CIB3: variants seen among roughly 807,000 people sequenced by gnomAD.
CIB3 encodes calcium and integrin-binding family member 3.
CIB3 carries 22 observed loss-of-function variants against 23.4 expected under a neutral mutation model. The observed-to-expected ratio is 0.94, with a 90% CI of 0.67 to 1.34. CIB3 has a LOEUF of 1.34. Ranked by LOEUF, CIB3 falls within the 40% of genes most tolerant of loss-of-function variation. The pLI is 0.00. For synonymous variants in CIB3, 93 were observed against 95.8 expected, an observed-to-expected ratio of 0.97 and a Z score of 0.17; for missense variants, 258 against 247.3, an observed-to-expected ratio of 1.04 and a Z score of -0.29.
rs1473127430 is a variant in CIB3, at chr19:16,168,237, C to A, written c.246G>T (p.Gly82=). Residue 82 remains glycine, a synonymous_variant, in exon 4 of 6, where the codon GGG becomes GGT. Transcript: ENST00000269878. ...QRIAQVFSED[G]DGHMTLDNFL... ...AGTTGTCCAGGGTCATGTGGCCATC[C>A]CCATCCTCAGAGAATACCTGGGCAA... 1 of 1,613,752 alleles carries A rather than the reference C, an allele frequency of 6.2e-7. No individual in the cohort carries two copies. Among genetic ancestry groups the A allele is most frequent in the Non-Finnish European group, 8.5e-7 (1 of 1,179,898 alleles).
At chr19:16,168,064 G>A in intron 4 of CIB3, 73 bp downstream of exon 4, 1 of 1,511,368 alleles carries the variant, frequency 6.6e-7, no homozygotes, top group East Asian at 2.4e-5. Flanking sequence ...TATTTGTGAT[G>A]TGGGTGCCAC....
At chr19:16,164,602 C>G in intron 5 of CIB3, 116 bp downstream of exon 5, 1 of 1,017,518 alleles carries the variant, frequency 9.8e-7, no homozygotes. Flanking sequence ...GAGAAAGTTT[C>G]CCAAGGTCAT....
Position 16,168,335 on chromosome 19 carries a change from T to C in CIB3, c.199-51A>G, listed in dbSNP as rs759961835. ...GCCATCCTCTGACCCCCAAGGTCTC[T>C]GGGGTCCATGTGGTCTCACTATCAG... On this transcript the variant is annotated intron_variant, in intron 3 of 5. Transcript: ENST00000269878. 13 of 1,602,964 alleles carry C rather than the reference T, an allele frequency of 8.1e-6. No homozygotes were observed. The East Asian group carries it at 1.6e-4, about 19-fold the overall frequency.
Position 16,164,795 on chromosome 19 carries a change from C to T in CIB3, c.465G>A (p.Glu155=). The part of the protein sequence containing the change: ...VSLVCEKVLD[E]ADGDHDGRLS... ...GCCGCCCATCATGGTCTCCATCAGC[C>T]TCATCCAGCACCTTCTCACATACCA... Residue 155 remains glutamate, a synonymous_variant, in exon 5 of 6, where the codon GAG becomes GAA. Coordinates refer to ENST00000269878, the MANE Select transcript of CIB3 (RefSeq NM_054113.4). The T allele has an allele frequency of 6.2e-7, 1 of 1,614,070 alleles. No individual in the cohort carries two copies. The highest frequency in any genetic ancestry group is 8.5e-7 in the Non-Finnish European group (1 of 1,180,012).
At chr19:16,161,973 C>T (rs2091286549) in intron 5 of CIB3, among the ~76,000 whole-genome samples, 1 of 151,880 alleles carries the variant, frequency 6.6e-6, no homozygotes, top group African/African-American at 2.4e-5. Context: ...GCATGAATCA[C>T]CACATCCTGC....
chr19:16,173,348 G>T, intron 1 of CIB3, 77 bp downstream of exon 1: 1 of 1,553,502 alleles, frequency 6.4e-7, no homozygotes, highest in Non-Finnish European at 8.9e-7. Flanking sequence ...CCCAGATGAA[G>T]GCATTCTGTT....
chr19:16,167,195 T>C (rs1012194342), intron 4 of CIB3, among the ~76,000 whole-genome samples: 2 of 151,708 alleles, frequency 1.3e-5, no homozygotes, highest in Admixed American at 6.6e-5. Flanking sequence ...CACTCCAGTC[T>C]GGGGGACAGA....
At chr19:16,173,304 C>G (rs1038767355) in intron 1 of CIB3, 108 bp from the exon 2 acceptor site, 2 of 1,578,512 alleles carry the variant, frequency 1.3e-6, no homozygotes, top group Non-Finnish European at 1.7e-6. Flanking sequence ...CTGCCACACA[C>G]AGAGCAGAAC....
At chr19:16,171,069 C>T (rs1181505602) in intron 2 of CIB3, among the ~76,000 whole-genome samples, 3 of 148,346 alleles carry the variant, frequency 2.0e-5, no homozygotes, top group South Asian at 2.2e-4. Context: ...ACCCGGGAGG[C>T]GCAGCATGCA....
At chr19:16,167,820 G>A (rs1007926474) in intron 4 of CIB3, among the ~76,000 whole-genome samples, 2 of 152,020 alleles carry the variant, frequency 1.3e-5, no homozygotes, top group African/African-American at 2.4e-5. Flanking sequence ...CAAAAAGAGC[G>A]AAACTCCATC....
chr19:16,162,663 G>C (rs565525998), intron 5 of CIB3, among the ~76,000 whole-genome samples: 1 of 151,948 alleles, frequency 6.6e-6, no homozygotes, highest in Admixed American at 6.6e-5. Flanking sequence ...CTGAGGCAGG[G>C]AGAAGTGCTT....
intron 2 of CIB3, among the ~76,000 whole-genome samples, chr19:16,170,445 T>A (rs1390981703): frequency 6.6e-6 from 1 of 152,094 alleles, no homozygotes; most frequent in Non-Finnish European, 1.5e-5. Flanking sequence ...AATCCACACA[T>A]CTCTGGATAT....
At chr19:16,173,309 C>A in intron 1 of CIB3, 113 bp from the exon 2 acceptor site, 1 of 1,576,084 alleles carries the variant, frequency 6.3e-7, no homozygotes, top group Non-Finnish European at 8.7e-7. Context: ...ACACACAGAG[C>A]AGAACCAGGA....
intron 5 of CIB3, 41 bp downstream of exon 5, chr19:16,164,677 A>T (rs1440838650): frequency 1.3e-6 from 2 of 1,567,914 alleles, no homozygotes; most frequent in Non-Finnish European, 1.8e-6. Flanking sequence ...GAGCCCCTTC[A>T]GATGTGCAAA....
In CIB3 at chr19:16,161,414, C is replaced by A. The variant is rs759036807; in HGVS notation, c.*51G>T. The A allele has an allele frequency of 3.1e-6, 5 of 1,588,426 alleles. No homozygotes were observed. The highest frequency in any genetic ancestry group is 1.7e-4 in the Middle Eastern group (1 of 6,026). On this transcript the variant is annotated 3_prime_UTR_variant, in exon 6 of 6. Coordinates refer to ENST00000269878, the MANE Select transcript of CIB3 (RefSeq NM_054113.4). ...TATTCTCAGAAACCAGAGTCCACAG[C>A]GGGTGAGGGGTCACCCCGCCCTCCT...
At chr19:16,166,328 G>T (rs941024008) in intron 4 of CIB3, among the ~76,000 whole-genome samples, 1 of 152,134 alleles carries the variant, frequency 6.6e-6, no homozygotes, top group Non-Finnish European at 1.5e-5. Flanking sequence ...GTTATTGAGT[G>T]CCTACTATGT....
In CIB3 at chr19:16,164,707, G is replaced by A; in HGVS notation, c.542+11C>T. ...TGCAAATGGACTGTGGGCGGTGACG[G>A]AGAGCATCACCTGAGGAAGTCTGGT... On this transcript the variant is annotated intron_variant, in intron 5 of 5. Transcript: ENST00000269878. 6.2e-7 allele frequency: 1 copy of A among 1,611,878 alleles called. No individual in the cohort carries two copies. Among genetic ancestry groups the A allele is most frequent in the South Asian group, 1.1e-5 (1 of 91,038 alleles).
At chr19:16,173,243 T>G in intron 1 of CIB3, 47 bp from the exon 2 acceptor site, 1 of 1,613,208 alleles carries the variant, frequency 6.2e-7, no homozygotes, top group Non-Finnish European at 8.5e-7. Context: ...CTCTGGGGCC[T>G]CCTCCCACGG....
chr19:16,165,894 A>G (rs559759873), intron 4 of CIB3, among the ~76,000 whole-genome samples: 82 of 152,282 alleles, frequency 5.4e-4, no homozygotes, highest in Non-Finnish European at 9.4e-4. Context: ...CTCAACAAGT[A>G]TTTATTGAGT....
Sources: allele counts gnomAD v4.1 joint callset (sites outside exome capture counted in the v4.1 genomes callset), GRCh38; gene constraint gnomAD v4.1.1; transcripts MANE v1.5; gene names NCBI Gene and HGNC (gene_info 2026-07-23, HGNC 2026-07-21).